Variants in RAPGEF4 observed in about 807,000 individuals in gnomAD.
The protein encoded by RAPGEF4 is Rap guanine nucleotide exchange factor 4.
A neutral mutation model predicts 147.9 loss-of-function variants in RAPGEF4; 66 were observed. That is an observed-to-expected ratio of 0.45 (90% confidence interval 0.37 to 0.55). The LOEUF (loss-of-function observed/expected upper bound fraction) is 0.55, where lower values mean the gene tolerates loss of function less well. Among genes scored for constraint, RAPGEF4 ranks in the 20% least tolerant of loss-of-function variants. The pLI is 0.00. For missense variants in RAPGEF4, 1,071 were observed against 1,257.3 expected (o/e 0.85, Z 2.24); for synonymous variants, 419 against 442.7 (o/e 0.95, Z 0.67).
chr2:173,009,484 A>G (rs1260629710), intron 17 of RAPGEF4, among the ~76,000 whole-genome samples: 1 of 152,234 alleles, frequency 6.6e-6, no homozygotes, highest in Non-Finnish European at 1.5e-5. Flanking sequence ...ACTTTATTAC[A>G]GTTTAAGTAT....
intron 6 of RAPGEF4, among the ~76,000 whole-genome samples, chr2:172,935,693 TAGAA>T (rs1686490447): frequency 6.6e-6 from 1 of 152,250 alleles, no homozygotes. Flanking sequence ...CATTGTGCTT[TAGAA>T]AGTCCATGCA....
At chr2:172,777,311 G>C (rs1385539004) in intron 1 of RAPGEF4, among the ~76,000 whole-genome samples, 1 of 151,564 alleles carries the variant, frequency 6.6e-6, no homozygotes, top group Admixed American at 6.6e-5. Context: ...TGTTTATTGG[G>C]TATCTACTAT....
intron 12 of RAPGEF4, among the ~76,000 whole-genome samples, chr2:172,986,744 A>G (rs1443350233): frequency 6.7e-6 from 1 of 149,004 alleles, no homozygotes; most frequent in Non-Finnish European, 1.5e-5. Context: ...CCCAGGCTGG[A>G]GTGCAGTGGC....
chr2:172,766,147 G>A (rs555140060), intron 1 of RAPGEF4, among the ~76,000 whole-genome samples: 1 of 152,110 alleles, frequency 6.6e-6, no homozygotes, highest in South Asian at 2.1e-4. Flanking sequence ...AAGTTCAGTT[G>A]AGGCACTGAA....
chr2:172,944,844 C>G (rs1687529654), intron 6 of RAPGEF4, among the ~76,000 whole-genome samples: 1 of 152,170 alleles, frequency 6.6e-6, no homozygotes, highest in Non-Finnish European at 1.5e-5. Context: ...GATTCCTTCT[C>G]ATTGTACTTG....
intron 1 of RAPGEF4, among the ~76,000 whole-genome samples, chr2:172,762,144 G>A (rs1424201901): frequency 6.6e-6 from 1 of 152,126 alleles, no homozygotes; most frequent in African/African-American, 2.4e-5. Context: ...AAACAAACAT[G>A]CTGCTTTCTT....
At chr2:172,996,581 C>G (rs970760244) in intron 16 of RAPGEF4, 27 bp downstream of exon 16, 4 of 1,379,594 alleles carry the variant, frequency 2.9e-6, no homozygotes, top group Admixed American at 2.2e-5. Context: ...GTTTGCATGT[C>G]CATTAAATCC....
chr2:172,760,079 A>G (rs1020756548), intron 1 of RAPGEF4, among the ~76,000 whole-genome samples: 1 of 152,240 alleles, frequency 6.6e-6, no homozygotes, highest in African/African-American at 2.4e-5. Context: ...CTTTGTAGCC[A>G]TAAAACAAGG....
chr2:172,810,932 T>C (rs1687961665), intron 3 of RAPGEF4, among the ~76,000 whole-genome samples: 1 of 152,146 alleles, frequency 6.6e-6, no homozygotes, highest in Admixed American at 6.5e-5. Context: ...TGGCTACAAG[T>C]GGTTTTTTAG....
At chr2:172,970,575 T>C (rs1284031284) in intron 10 of RAPGEF4, among the ~76,000 whole-genome samples, 2 of 152,160 alleles carry the variant, frequency 1.3e-5, no homozygotes, top group African/African-American at 4.8e-5. Flanking sequence ...AATTTGATTG[T>C]ATAATGAAGA....
intron 1 of RAPGEF4, among the ~76,000 whole-genome samples, chr2:172,786,633 G>T (rs1482504850): frequency 6.6e-6 from 1 of 152,172 alleles, no homozygotes; most frequent in Non-Finnish European, 1.5e-5. Flanking sequence ...TCAGAGCTTT[G>T]GGAGGCCAAA....
chr2:172,988,087 T>A, intron 12 of RAPGEF4, 109 bp from the exon 13 acceptor site: 2 of 1,389,910 alleles, frequency 1.4e-6, no homozygotes, highest in Non-Finnish European at 1.9e-6. Flanking sequence ...TTTCTCGAAT[T>A]TTACGTATGC....
chr2:173,018,598 A>G (rs1477549835), intron 21 of RAPGEF4, 58 bp from the exon 22 acceptor site: 6 of 1,532,744 alleles, frequency 3.9e-6, no homozygotes, highest in South Asian at 2.5e-5. Context: ...TTTCATAACT[A>G]TAGTTTTATT....
At chr2:172,999,374 C>T (rs1032711377) in intron 16 of RAPGEF4, among the ~76,000 whole-genome samples, 6 of 152,042 alleles carry the variant, frequency 3.9e-5, no homozygotes, top group African/African-American at 9.7e-5. Context: ...GGTAGGTCCA[C>T]GAAATTTGTG....
In RAPGEF4 at chr2:172,988,765, G is replaced by A. The variant is rs1277056034; in HGVS notation, c.1300G>A (p.Ala434Thr). 1 of 1,612,464 alleles carries A rather than the reference G, an allele frequency of 6.2e-7. No homozygotes were observed. Among genetic ancestry groups the A allele is most frequent in the South Asian group, 1.1e-5 (1 of 91,054 alleles). The change falls in exon 14 of 31, where the codon GCC (alanine) becomes ACC (threonine). Residue 434 changes from alanine to threonine, a missense_variant. Transcript: ENST00000397081. ...LALVNDAPRA[A>T]SIVLREDNCH... is the part of the protein sequence containing the mutation. ...ACTAGTGAATGATGCCCCACGAGCT[G>A]CCTCTATCGTCTTACGAGAAGATAA... is the stretch of plus-strand genomic sequence containing the variant.
At position 172,991,051 on chromosome 2, in the gene RAPGEF4, T is replaced by C; in HGVS notation, c.1490+126T>C. 5.8e-6 allele frequency: 4 copies of C among 684,930 alleles called. No individual in the cohort carries two copies. In the East Asian group the frequency reaches 8.2e-5, roughly 14 times the overall value. 42.4% of individuals were successfully genotyped at this position (684,930 alleles called of 1,614,324 possible). ...GGCAGTGTATGTGACTTTTTTCCTC[T>C]CTATTGACTAATCACACATCTTGTG... On this transcript the variant is annotated intron_variant, in intron 15 of 30. Transcript: ENST00000397081.
Position 172,788,912 on chromosome 2 carries a change from A to AAAATAAAAT in RAPGEF4, c.66-6106_66-6105insATAAATAAA, listed in dbSNP as rs1404967189. Among the ~76,000 whole-genome samples the AAAATAAAAT allele has an allele frequency of 6.2e-4, 94 of 152,048 alleles. No individual in the cohort carries two copies. The South Asian group carries it at 0.017, about 28-fold the overall frequency. On this transcript the variant is annotated intron_variant, in intron 1 of 30. Transcript: ENST00000397081. ...CTATCTAAATAAAATAAAATAAAAT[A>AAAATAAAAT]AAATAAATAAATAAATAAGAGGTGC...
intron 4 of RAPGEF4, among the ~76,000 whole-genome samples, chr2:172,856,639 A>T (rs759077140): frequency 6.6e-6 from 1 of 152,192 alleles, no homozygotes; most frequent in African/African-American, 2.4e-5. Flanking sequence ...AGCAGCAGAC[A>T]TCTCTGTTCA....
chr2:172,868,880 A>G (rs995135423), intron 4 of RAPGEF4, among the ~76,000 whole-genome samples: 4 of 152,200 alleles, frequency 2.6e-5, no homozygotes, highest in African/African-American at 9.6e-5. Context: ...GAAGCTTGCA[A>G]TCATGGTGGA....
Sources: gnomAD v4.1 joint callset for allele counts (sites outside exome capture counted in the v4.1 genomes callset) on GRCh38, gnomAD v4.1.1 for gene constraint, MANE v1.5 for transcripts, NCBI Gene and HGNC (gene_info 2026-07-23, HGNC 2026-07-21) for gene names.